MRPS9: variants seen among roughly 807,000 people sequenced by gnomAD.
MRPS9 encodes mitochondrial ribosomal protein S9, also known as small ribosomal subunit protein uS9m.
MRPS9 carries 45 observed loss-of-function variants against 59.9 expected under a neutral mutation model. The observed-to-expected ratio is 0.75, with a 90% confidence interval of 0.59 to 0.96. The LOEUF is 0.96. Ranked by LOEUF, MRPS9 falls within the 40% of genes least tolerant of loss-of-function variation. The pLI is 0.00. For synonymous variants in MRPS9, 171 were observed against 166.8 expected, an observed-to-expected ratio of 1.03 and a Z score of -0.19; for missense variants, 473 against 481.1, an observed-to-expected ratio of 0.98 and a Z score of 0.16.
At chr2:105,092,706 AT>A in intron 8 of MRPS9, 137 bp downstream of exon 8, 1 of 842,686 alleles carries the variant, frequency 1.2e-6, no homozygotes, top group Non-Finnish European at 1.7e-6. Context: ...GGATTTCCTA[AT>A]TTTTAAGATT....
intron 1 of MRPS9, 96 bp from the exon 2 acceptor site, chr2:105,049,075 A>G (rs932926422): frequency 1.2e-6 from 1 of 840,060 alleles, no homozygotes. Flanking sequence ...ATAAAAAAAG[A>G]TAACTACTTG....
chr2:105,058,711 T>C (rs576700198), intron 2 of MRPS9, among the ~76,000 whole-genome samples: 1 of 136,556 alleles, frequency 7.3e-6, no homozygotes, highest in South Asian at 2.3e-4. Context: ...AGTCTCTCTC[T>C]GTTGCCCAGG....
chr2:105,039,247 T>C (rs1012321866), intron 1 of MRPS9, among the ~76,000 whole-genome samples: 1 of 152,050 alleles, frequency 6.6e-6, no homozygotes, highest in Non-Finnish European at 1.5e-5. Context: ...AAAACATCTT[T>C]TTGTATGTTC....
chr2:105,094,995 C>G (rs1573450701), intron 9 of MRPS9, among the ~76,000 whole-genome samples: 1 of 152,122 alleles, frequency 6.6e-6, no homozygotes, highest in Non-Finnish European at 1.5e-5. Context: ...GTGAAGATAT[C>G]AGAGATATTT....
chr2:105,099,275 T>C (rs1252353348), intron 10 of MRPS9: 1 of 156,354 alleles, frequency 6.4e-6, no homozygotes. Flanking sequence ...CTTCTCTGCC[T>C]CTTGTCTCCA....
intron 4 of MRPS9, among the ~76,000 whole-genome samples, chr2:105,079,117 C>T (rs558947633): frequency 3.3e-5 from 5 of 152,038 alleles, no homozygotes; most frequent in Admixed American, 6.5e-5. Flanking sequence ...GTCATGCTGC[C>T]GTAGAGGAAA....
chr2:105,095,937 G>A (rs1004522798), intron 9 of MRPS9, among the ~76,000 whole-genome samples: 1 of 152,072 alleles, frequency 6.6e-6, no homozygotes, highest in Non-Finnish European at 1.5e-5. Context: ...CTCCTGAGTA[G>A]CTTGTACTTT....
chr2:105,065,763 G>A (rs1351591913), intron 2 of MRPS9, among the ~76,000 whole-genome samples: 1 of 152,166 alleles, frequency 6.6e-6, no homozygotes, highest in African/African-American at 2.4e-5. Flanking sequence ...TCTGTAGGCT[G>A]TTCAACTCAG....
rs117661628 is a variant in MRPS9, at chr2:105,081,037, C to T, written c.489+975C>T. ...TTGCTGAGTAATGGAGCTGCGGCTC[C>T]GGCTCGGTAGAGGTTCTCTCCCGCA... On this transcript the variant is annotated intron_variant, in intron 5 of 10. Coordinates refer to ENST00000258455, the MANE Select transcript of MRPS9 (RefSeq NM_182640.3). Among the ~76,000 whole-genome samples, 11 of 152,274 alleles carry T rather than the reference C, an allele frequency of 7.2e-5. No individual in the cohort carries two copies. In the East Asian group the frequency reaches 9.7e-4, roughly 13 times the overall value.
chr2:105,077,244 C>CA (rs56216293), intron 4 of MRPS9, among the ~76,000 whole-genome samples: 66 of 115,408 alleles, frequency 5.7e-4, no homozygotes, highest in East Asian at 9.7e-4. Flanking sequence ...GACTCCATCT[C>CA]AAAAAAAAAA....
chr2:105,057,022 T>C (rs985950198), intron 2 of MRPS9, among the ~76,000 whole-genome samples: 4 of 152,294 alleles, frequency 2.6e-5, no homozygotes, highest in African/African-American at 9.6e-5. Flanking sequence ...AAGAAAAATA[T>C]TATCTTATTG....
At chr2:105,039,250 G>A (rs1017449772) in intron 1 of MRPS9, among the ~76,000 whole-genome samples, 2 of 148,540 alleles carry the variant, frequency 1.3e-5, no homozygotes, top group South Asian at 2.1e-4. Flanking sequence ...ACATCTTTTT[G>A]TATGTTCTTT....
At chr2:105,093,468 T>C (rs1680599163) in intron 8 of MRPS9, 62 bp from the exon 9 acceptor site, 1 of 932,100 alleles carries the variant, frequency 1.1e-6, no homozygotes. Context: ...TAATGTAGTT[T>C]TACCTGTCTC....
intron 2 of MRPS9, among the ~76,000 whole-genome samples, chr2:105,065,789 T>A (rs1287023252): frequency 6.6e-6 from 1 of 152,204 alleles, no homozygotes; most frequent in Non-Finnish European, 1.5e-5. Flanking sequence ...ACACTCAAGA[T>A]TCTCTTGTTA....
chr2:105,096,976 CA>C (rs1680674295), intron 9 of MRPS9, 178 bp from the exon 10 acceptor site: 1 of 559,112 alleles, frequency 1.8e-6, no homozygotes, highest in East Asian at 3.7e-5. Flanking sequence ...GCAAATCATT[CA>C]AAATGTCAGA....
intron 2 of MRPS9, among the ~76,000 whole-genome samples, chr2:105,069,296 C>T (rs762279664): frequency 6.6e-6 from 1 of 150,926 alleles, no homozygotes; most frequent in Non-Finnish European, 1.5e-5. Flanking sequence ...CTCACTGCAA[C>T]CTCCGCCTTC....
intron 2 of MRPS9, among the ~76,000 whole-genome samples, chr2:105,062,193 C>T (rs557873492): frequency 3.9e-5 from 6 of 152,282 alleles, no homozygotes; most frequent in Non-Finnish European, 8.8e-5. Flanking sequence ...CCTACTCCTT[C>T]TTGTTTGTAA....
At chr2:105,041,291 A>G (rs1679497138) in intron 1 of MRPS9, among the ~76,000 whole-genome samples, 1 of 152,246 alleles carries the variant, frequency 6.6e-6, no homozygotes. Flanking sequence ...AAGGAAAAAC[A>G]AAAGACCAAT....
intron 2 of MRPS9, among the ~76,000 whole-genome samples, chr2:105,066,722 T>C (rs1047890060): frequency 6.6e-6 from 1 of 152,098 alleles, no homozygotes; most frequent in Non-Finnish European, 1.5e-5. Context: ...CATCTAGTAT[T>C]CTGATCCAGG....
Sources: allele counts gnomAD v4.1 joint callset (sites outside exome capture counted in the v4.1 genomes callset), GRCh38; gene constraint gnomAD v4.1.1; transcripts MANE v1.5; gene names NCBI Gene and HGNC (gene_info 2026-07-23, HGNC 2026-07-21).